Variants in RGS22 observed in about 807,000 individuals in gnomAD.
RGS22 encodes regulator of G-protein signaling 22.
A neutral mutation model predicts 172.9 loss-of-function variants in RGS22; 148 were observed. The ratio of observed to expected loss-of-function variants is 0.86; its 90% CI spans 0.75 to 0.98. The LOEUF (loss-of-function observed/expected upper bound fraction) is 0.98. Among genes scored for constraint, RGS22 ranks in the 50% least tolerant of loss-of-function variants. The probability of loss-of-function intolerance (pLI) is 0.00; values close to 1 mark genes in which losing one functional copy is unlikely to be tolerated. For missense variants in RGS22, 1,347 were observed against 1,440.8 expected, an observed-to-expected ratio of 0.93 and a Z score of 1.05; for synonymous variants, 458 against 480.2, an observed-to-expected ratio of 0.95 and a Z score of 0.60.
intron 17 of RGS22, chr8:100,002,925 T>G (rs1588950739): frequency 6.5e-6 from 1 of 154,570 alleles, no homozygotes; most frequent in African/African-American, 2.4e-5. Flanking sequence ...CTGGGCGTGG[T>G]GGCACATGCC....
At position 99,981,443 on chromosome 8, in the gene RGS22, G is replaced by A. The variant is rs1461416066; in HGVS notation, c.3360+494C>T. 1.3e-5 allele frequency among the ~76,000 whole-genome samples: 2 copies of A among 151,996 alleles called. 1 individual carries two copies. The highest frequency in any genetic ancestry group is 4.8e-5 in the African/African-American group (2 of 41,386). ...ATTTTAAAAGGAATTACCAATAGTG[G>A]AAAAGAAAGGAGGAATTAGCTGGAG... On this transcript the variant is annotated intron_variant, in intron 22 of 27. Coordinates refer to ENST00000360863, the MANE Select transcript of RGS22 (RefSeq NM_015668.5).
chr8:100,014,477 TCACTAAAAAC>T (rs1160919685), intron 14 of RGS22, among the ~76,000 whole-genome samples: 1 of 152,172 alleles, frequency 6.6e-6, no homozygotes, highest in African/African-American at 2.4e-5. Context: ...AACTCAAAGA[TCACTAAAAAC>T]CACATAATCG....
chr8:100,093,255 A>T (rs545721671), intron 3 of RGS22, 192 bp downstream of exon 3: 12 of 481,172 alleles, frequency 2.5e-5, no homozygotes, highest in Non-Finnish European at 4.5e-5. Context: ...AGATTTCTTC[A>T]ATAAGAATAA....
intron 9 of RGS22, among the ~76,000 whole-genome samples, chr8:100,060,404 A>G (rs1233484498): frequency 6.5e-5 from 7 of 108,478 alleles, no homozygotes; most frequent in African/African-American, 1.9e-4. Context: ...AGCTACGTGT[A>G]TATATATATA....
chr8:100,029,509 C>G lies in RGS22; in HGVS notation c.2166+9422G>C, dbSNP rs1353621194. Among the ~76,000 whole-genome samples the G allele has an allele frequency of 3.9e-5, 6 of 151,934 alleles. No individual in the cohort carries two copies. The East Asian group carries it at 5.8e-4, about 15-fold the overall frequency. ...CTGAGGTCAGGAGTTCAAGACCAGCCTGACCAGCATGGTGAAACCCCGTCT... is the reference window on the plus strand; with the variant it reads ...CTGAGGTCAGGAGTTCAAGACCAGCGTGACCAGCATGGTGAAACCCCGTCT... On this transcript the variant is annotated intron_variant, in intron 14 of 27. Transcript: ENST00000360863.
chr8:100,063,716 A>T lies in RGS22; in HGVS notation c.1052T>A (p.Val351Glu). The T allele has an allele frequency of 6.2e-7, 1 of 1,613,958 alleles. No homozygotes were observed. The highest frequency in any genetic ancestry group is 8.5e-7 in the Non-Finnish European group (1 of 1,179,924). ...AGACTCAAAACAATCATCAAATGAC[A>T]CTTTTGTTATATTGTTGAAGTTTAT... is the stretch of plus-strand genomic sequence containing the variant. ...DYINFNNITKVSFDDCFESIH... is the reference protein window; with the variant it reads ...DYINFNNITKESFDDCFESIH... The change falls in exon 8 of 28, where the codon GTG becomes GAG. Residue 351 changes from valine to glutamate, a missense_variant. Physicochemically the swap from Val to Glu is moderately radical, Grantham distance 121. Coordinates refer to ENST00000360863, the MANE Select transcript of RGS22 (RefSeq NM_015668.5).
At chr8:100,038,732 A>G (rs990740043) in intron 14 of RGS22, 199 bp downstream of exon 14, 6 of 394,652 alleles carry the variant, frequency 1.5e-5, no homozygotes, top group Non-Finnish European at 1.8e-5. Flanking sequence ...CAAACCAAAT[A>G]AAAGACATAA....
chr8:100,083,490 C>T (rs892187606), intron 3 of RGS22, among the ~76,000 whole-genome samples: 18 of 152,014 alleles, frequency 1.2e-4, no homozygotes, highest in Non-Finnish European at 4.4e-5. Context: ...GCCTCAGCCT[C>T]CTGAGTAGCT....
chr8:100,032,611 G>A (rs906759020), intron 14 of RGS22, among the ~76,000 whole-genome samples: 3 of 152,150 alleles, frequency 2.0e-5, no homozygotes, highest in African/African-American at 7.2e-5. Flanking sequence ...AGATCAATGA[G>A]ACAGAAGGTT....
chr8:100,056,634 G>A (rs1212473692), intron 9 of RGS22, among the ~76,000 whole-genome samples: 1 of 152,176 alleles, frequency 6.6e-6, no homozygotes, highest in African/African-American at 2.4e-5. Context: ...TTCAGAGGGT[G>A]CAAGTCCCTC....
intron 9 of RGS22, among the ~76,000 whole-genome samples, chr8:100,053,636 A>G (rs924224565): frequency 6.6e-6 from 1 of 152,288 alleles, no homozygotes; most frequent in African/African-American, 2.4e-5. Context: ...CGTTTAAAAC[A>G]TACAAACTTT....
chr8:100,093,702 G>A (rs1054683938), intron 2 of RGS22, among the ~76,000 whole-genome samples, 193 bp from the exon 3 acceptor site: 1 of 151,968 alleles, frequency 6.6e-6, no homozygotes, highest in Non-Finnish European at 1.5e-5. Context: ...ATCTCTGAAA[G>A]GAAAAAATAA....
chr8:100,026,660 G>A (rs542710688), intron 14 of RGS22, among the ~76,000 whole-genome samples: 3 of 152,248 alleles, frequency 2.0e-5, no homozygotes, highest in Non-Finnish European at 2.9e-5. Context: ...TCAGGAACAG[G>A]ACTTGCAAAT....
chr8:99,998,800 C>A (rs1195412041), intron 19 of RGS22, among the ~76,000 whole-genome samples: 5 of 152,016 alleles, frequency 3.3e-5, no homozygotes, highest in Non-Finnish European at 7.4e-5. Flanking sequence ...ACTTGGTGTT[C>A]CAGCTGTGGT....
chr8:100,058,255 AG>A (rs1373703537), intron 9 of RGS22, among the ~76,000 whole-genome samples: 2 of 152,060 alleles, frequency 1.3e-5, no homozygotes. Flanking sequence ...CTTAAAGAGG[AG>A]GTAGAAAAGA....
At chr8:100,041,286 C>G (rs143331872) in intron 12 of RGS22, among the ~76,000 whole-genome samples, 1 of 151,982 alleles carries the variant, frequency 6.6e-6, no homozygotes, top group Non-Finnish European at 1.5e-5. Context: ...GTCAGGAGTG[C>G]GAGACCAGTC....
At chr8:100,067,544 G>A (rs1215958544) in intron 6 of RGS22, among the ~76,000 whole-genome samples, 1 of 151,834 alleles carries the variant, frequency 6.6e-6, no homozygotes, top group East Asian at 1.9e-4. Flanking sequence ...AAAAAAGAAT[G>A]AGGGAGTAGG....
intron 23 of RGS22, among the ~76,000 whole-genome samples, chr8:99,966,520 A>T (rs145091278): frequency 6.6e-6 from 1 of 152,306 alleles, no homozygotes; most frequent in Non-Finnish European, 1.5e-5. Context: ...AACAAAAAAG[A>T]ACCATGTATA....
intron 11 of RGS22, among the ~76,000 whole-genome samples, chr8:100,043,799 CAAAAA>C (rs958521825): frequency 1.3e-5 from 2 of 150,120 alleles, no homozygotes; most frequent in African/African-American, 2.5e-5. Context: ...CAAAACAAAA[CAAAAA>C]AAACCACAAA....
Sources: allele counts gnomAD v4.1 joint callset (sites outside exome capture counted in the v4.1 genomes callset), GRCh38; gene constraint gnomAD v4.1.1; transcripts MANE v1.5; gene names NCBI Gene and HGNC (gene_info 2026-07-23, HGNC 2026-07-21).